Variants in SRSF5 observed in about 807,000 individuals in gnomAD.
The protein encoded by SRSF5 is serine/arginine-rich splicing factor 5.
A neutral mutation model predicts 34.0 loss-of-function variants in SRSF5; 5 were observed. That is an observed-to-expected ratio of 0.15 (90% CI 0.08 to 0.31). The LOEUF is 0.31. Ranked by LOEUF, SRSF5 falls within the 10% of genes least tolerant of loss-of-function variation. SRSF5 has a pLI of 1.00. For missense variants in SRSF5, 223 were observed against 351.4 expected, an observed-to-expected ratio of 0.63 and a Z score of 2.92; for synonymous variants, 164 against 117.7, an observed-to-expected ratio of 1.39 and a Z score of -2.55.
At chr14:69,768,429 C>A in intron 2 of SRSF5, 147 bp downstream of exon 2, 1 of 1,332,080 alleles carries the variant, frequency 7.5e-7, no homozygotes, top group Non-Finnish European at 1.0e-6. Context: ...CTGAAAACAA[C>A]TTTAACTTGC....
intron 4 of SRSF5, 84 bp from the exon 5 acceptor site, chr14:69,769,098 T>C (rs373329387): frequency 2.7e-6 from 4 of 1,500,222 alleles, no homozygotes; most frequent in East Asian, 2.3e-5. Context: ...GCTTGTGATA[T>C]CTGATGGCTT....
Position 69,768,156 on chromosome 14 carries a change from C to G in SRSF5, c.-1C>G, listed in dbSNP as rs756853744. On this transcript the variant is annotated 5_prime_UTR_variant, in exon 2 of 8. It adds an upstream start codon to the 5' untranslated region. Coordinates refer to ENST00000557154, the MANE Select transcript of SRSF5 (RefSeq NM_001320214.2). ...CTAATAGGAAGTACTAGCCGGACATCATGAGTGGCTGTCGGGTATTCATCG... is the reference window on the plus strand; with the variant it reads ...CTAATAGGAAGTACTAGCCGGACATGATGAGTGGCTGTCGGGTATTCATCG... 1.9e-6 allele frequency: 3 copies of G among 1,614,168 alleles called. No individual in the cohort carries two copies. The highest frequency in any genetic ancestry group is 2.5e-6 in the Non-Finnish European group (3 of 1,180,012).
At position 69,768,222 on chromosome 14, in the gene SRSF5, A is replaced by G; in HGVS notation, c.66A>G (p.Arg22=). 1 of 1,614,220 alleles carries G rather than the reference A, an allele frequency of 6.2e-7. No homozygotes were observed. Among genetic ancestry groups the G allele is most frequent in the Non-Finnish European group, 8.5e-7 (1 of 1,180,032 alleles). The change falls in exon 2 of 8, where the codon AGA becomes AGG. Residue 22 remains arginine (R), a synonymous_variant. Coordinates refer to ENST00000557154, the MANE Select transcript of SRSF5 (RefSeq NM_001320214.2). ...CGGCCAGGGAGAAGGACGTGGAAAGATTCTTCAAGGGATATGGACGGATAA... is the reference window on the plus strand; with the variant it reads ...CGGCCAGGGAGAAGGACGTGGAAAGGTTCTTCAAGGGATATGGACGGATAA... ...NPAAREKDVE[R]FFKGYGRIRD...
At chr14:69,768,985 C>T (rs1029175390) in intron 4 of SRSF5, 89 bp downstream of exon 4, 2 of 1,415,502 alleles carry the variant, frequency 1.4e-6, no homozygotes, top group African/African-American at 2.8e-5. Flanking sequence ...GATTTTGGGT[C>T]CTGCCGTATA....
rs1409625892 is a variant in SRSF5 at position 69,771,024 on chromosome 14, TAAA to T, written c.471_473del (p.Lys158del). 6.2e-7 allele frequency: 1 copy of T among 1,613,776 alleles called. No individual in the cohort carries two copies. Among genetic ancestry groups the T allele is most frequent in the Admixed American group, 1.7e-5 (1 of 59,886 alleles). On this transcript the variant is annotated inframe_deletion, in exon 7 of 8. Transcript: ENST00000557154. ...GTTGAGTTTGCCTCTTATGGTGACTTAAAGAATGCTATTGAAAAACTTTCTGGA... is the reference window on the plus strand; with the variant it reads ...GTTGAGTTTGCCTCTTATGGTGACTTGAATGCTATTGAAAAACTTTCTGGA...
chr14:69,770,511 G>C lies in SRSF5; in HGVS notation c.411G>C (p.Ala137=), dbSNP rs544275121. 7 of 1,613,914 alleles carry C rather than the reference G, an allele frequency of 4.3e-6. No homozygotes were observed. The African/African-American group carries it at 8.0e-5, about 18-fold the overall frequency. ...GACAAGCTGGGGAAGTAACGTTTGC[G>C]GATGCACACCGACCTAAATTAAATG... The part of the protein sequence containing the change: ...FMRQAGEVTF[A]DAHRPKLNEG... Residue 137 remains alanine, a synonymous_variant, in exon 6 of 8, where the codon GCG becomes GCC. Transcript: ENST00000557154.
intron 4 of SRSF5, 142 bp from the exon 5 acceptor site, chr14:69,769,040 C>G: frequency 1.6e-6 from 2 of 1,276,796 alleles, no homozygotes; most frequent in Non-Finnish European, 2.3e-6. Context: ...CTTGATGAAT[C>G]TATATGAGTC....
At chr14:69,770,441 G>C (rs1883067271) in intron 5 of SRSF5, 26 bp from the exon 6 acceptor site, 2 of 1,607,052 alleles carry the variant, frequency 1.2e-6, no homozygotes, top group African/African-American at 1.3e-5. Context: ...CCTCTTCTTT[G>C]CTTAACACAA....
Position 69,770,984 on chromosome 14 carries a change from T to G in SRSF5, c.441-11T>G, listed in dbSNP as rs369660005. ...TGTATATACTTTAAAAGTGGCTGTT[T>G]TCCATTTTAGGGTGGTTGAGTTTGC... On this transcript the variant is annotated splice_polypyrimidine_tract_variant and intron_variant, in intron 6 of 7. Transcript: ENST00000557154. The G allele has an allele frequency of 2.8e-4, 443 of 1,607,410 alleles. No homozygotes were observed. The highest frequency in any genetic ancestry group is 3.6e-4 in the Non-Finnish European group (425 of 1,177,460).
chr14:69,770,746 C>T, intron 6 of SRSF5: 1 of 641,684 alleles, frequency 1.6e-6, no homozygotes, highest in Non-Finnish European at 2.7e-6. Context: ...ATGCTGTTGG[C>T]ATGTAGTCAG....
At chr14:69,767,516 G>A (rs1356640632) in intron 1 of SRSF5, 1 of 455,996 alleles carries the variant, frequency 2.2e-6, no homozygotes, top group South Asian at 1.5e-5. Context: ...TCATCTCCTG[G>A]ACACGTAGAA....
In SRSF5 at chr14:69,771,228, A is replaced by G. The variant is rs1463542262; in HGVS notation, c.586A>G (p.Ser196Gly). The change falls in exon 8 of 8, where the codon AGT (serine) becomes GGT (glycine). Residue 196 changes from serine to glycine, a missense_variant. Ser to Gly is a moderately conservative substitution (Grantham distance 56, BLOSUM62 0). Around this residue, in one of 4 missense-constraint regions of SRSF5, gnomAD observed 115 missense variants for 119.7 expected, o/e 0.96. Transcript: ENST00000557154. ...AAGCAGGTCTCGATCCCGGACCAGA[A>G]GTTCCTCTAGGTCTCGTAGCCGATC... ...SRSRSRSRTR[S>G]SSRSRSRSRS... is the part of the protein sequence containing the mutation. The G allele has an allele frequency of 6.2e-7, 1 of 1,614,182 alleles. No individual in the cohort carries two copies. The highest frequency in any genetic ancestry group is 1.7e-5 in the Admixed American group (1 of 60,012).
In SRSF5 at chr14:69,770,911, A is replaced by G. The variant is rs1883125171; in HGVS notation, c.441-84A>G. The G allele has an allele frequency of 4.9e-6, 6 of 1,213,998 alleles. No homozygotes were observed. The South Asian group carries it at 8.6e-5, about 17-fold the overall frequency. 75.2% of individuals were successfully genotyped at this position (1,213,998 alleles called of 1,614,324 possible). A position where few individuals can be genotyped will look rare whatever the true frequency, so the allele number is the denominator to read the frequency against. On this transcript the variant is annotated intron_variant, in intron 6 of 7. Coordinates refer to ENST00000557154, the MANE Select transcript of SRSF5 (RefSeq NM_001320214.2). ...TAGTAGCAATAGCAAAAGTGAACAT[A>G]GAAACGACTTACCTAGACTGCTGTG...
chr14:69,767,590 A>T (rs1263022067), intron 1 of SRSF5: 2 of 454,470 alleles, frequency 4.4e-6, no homozygotes, highest in Admixed American at 4.7e-5. Flanking sequence ...GGGCGGCCGC[A>T]GTGACCCCCG....
At chr14:69,770,014 T>C in intron 5 of SRSF5, 1 of 1,028,724 alleles carries the variant, frequency 9.7e-7, no homozygotes, top group East Asian at 9.4e-5. Context: ...GGTTTGCTGC[T>C]TGACTAGCCT....
rs1300298724 is a variant in SRSF5, at chr14:69,767,222, C to T, written c.-53C>T. 1 of 370,348 alleles carries T rather than the reference C, an allele frequency of 2.7e-6. No homozygotes were observed. The highest frequency in any genetic ancestry group is 5.2e-6 in the Non-Finnish European group (1 of 191,804). 22.9% of individuals were successfully genotyped at this position (370,348 alleles called of 1,614,324 possible). ...ACTCCGTCGCAGACTACGGACCTGT[C>T]TGGGTCTCAGCCGCCAAAGACCCCG... On this transcript the variant is annotated 5_prime_UTR_variant, in exon 1 of 8. Coordinates refer to ENST00000557154, the MANE Select transcript of SRSF5 (RefSeq NM_001320214.2).
rs757484947 is a variant in SRSF5, at chr14:69,771,261, C to G, written c.619C>G (p.Arg207Gly). 6.2e-7 allele frequency: 1 copy of G among 1,614,064 alleles called. No homozygotes were observed. The highest frequency in any genetic ancestry group is 8.5e-7 in the Non-Finnish European group (1 of 1,180,016). ...SSRSRSRSRS[R>G]SRKSYSRSRS... ...TAGGTCTCGTAGCCGATCCCGTTCC[C>G]GTAGTCGCAAATCTTACAGCCGGTC... Residue 207 changes from arginine to glycine, a missense_variant, in exon 8 of 8, where the codon CGT becomes GGT. Physicochemically the swap from Arg to Gly is moderately radical, Grantham distance 125 (BLOSUM62 -2). Coordinates refer to ENST00000557154, the MANE Select transcript of SRSF5 (RefSeq NM_001320214.2).
At position 69,771,569 on chromosome 14, in the gene SRSF5, G is replaced by A; in HGVS notation, c.*108G>A. 8.0e-7 allele frequency: 1 copy of A among 1,256,226 alleles called. No homozygotes were observed. The highest frequency in any genetic ancestry group is 1.5e-5 in the South Asian group (1 of 67,586). The allele number at this position is 1,256,226 out of a possible 1,614,324, so 77.8% of individuals were successfully genotyped here. A position where few individuals can be genotyped will look rare whatever the true frequency, so the allele number is the denominator to read the frequency against. ...GGTAAGTATGTGCTTTTCTGTGGGG[G>A]TGGGATTTGGAAGGGGGGTTGGGTT... On this transcript the variant is annotated 3_prime_UTR_variant, in exon 8 of 8. Transcript: ENST00000557154.
chr14:69,770,427 C>G (rs745885665), intron 5 of SRSF5, 40 bp from the exon 6 acceptor site: 2 of 1,603,868 alleles, frequency 1.2e-6, no homozygotes, highest in Non-Finnish European at 1.7e-6. Flanking sequence ...TGTGTGTCCC[C>G]TTTCCTCTTC....
Sources: gnomAD v4.1 joint callset for allele counts on GRCh38, gnomAD v4.1.1 for gene constraint, gnomAD v4.1.1 regional missense constraint, MANE v1.5 for transcripts, NCBI Gene and HGNC (gene_info 2026-07-23, HGNC 2026-07-21) for gene names.